Variants in STX12 observed in about 807,000 individuals in gnomAD.
STX12 encodes syntaxin 12.
Under a neutral mutation model 42.2 loss-of-function variants are expected in STX12, and 17 were observed. The observed-to-expected ratio is 0.40, with a 90% CI of 0.28 to 0.60. The LOEUF is 0.60. Among genes scored for constraint, STX12 ranks in the 20% least tolerant of loss-of-function variants. The probability of loss-of-function intolerance (pLI) is 0.39; values close to 1 mark genes in which losing one functional copy is unlikely to be tolerated. For synonymous variants in STX12, 108 were observed against 116.7 expected, an observed-to-expected ratio of 0.93 and a Z score of 0.48; for missense variants, 297 against 330.9, an observed-to-expected ratio of 0.90 and a Z score of 0.79.
intron 5 of STX12, 40 bp downstream of exon 5, chr1:27,810,329 T>C: frequency 6.4e-7 from 1 of 1,554,466 alleles, no homozygotes; most frequent in Non-Finnish European, 8.9e-7. Flanking sequence ...ATAGTTGAGA[T>C]GGGAATCTAT....
At chr1:27,806,046 T>C (rs1313561614) in intron 4 of STX12, among the ~76,000 whole-genome samples, 1 of 152,206 alleles carries the variant, frequency 6.6e-6, no homozygotes, top group East Asian at 1.9e-4. Flanking sequence ...CCCTGAGTTA[T>C]GCAGCTCTTC....
chr1:27,793,738 T>G (rs1571522318), intron 3 of STX12, 106 bp downstream of exon 3: 1 of 783,234 alleles, frequency 1.3e-6, no homozygotes, highest in East Asian at 2.7e-5. Flanking sequence ...GCTAGATAGA[T>G]AGACCTCCTC....
intron 2 of STX12, among the ~76,000 whole-genome samples, chr1:27,790,300 AT>A (rs746922462): frequency 2.5e-4 from 38 of 152,178 alleles, no homozygotes; most frequent in Admixed American, 2.0e-4. Flanking sequence ...CAGCAGCAAG[AT>A]TTACTGTGAA....
chr1:27,801,030 C>T (rs547216193), intron 3 of STX12, among the ~76,000 whole-genome samples: 1 of 152,216 alleles, frequency 6.6e-6, no homozygotes, highest in African/African-American at 2.4e-5. Flanking sequence ...AACTGGAGTC[C>T]AGAGGTATTT....
At chr1:27,819,807 G>C (rs746355894) in intron 8 of STX12, 75 bp downstream of exon 8, 34 of 1,279,426 alleles carry the variant, frequency 2.7e-5, no homozygotes, top group Middle Eastern at 1.8e-4. Flanking sequence ...GACATATTGA[G>C]AACAGCTACA....
chr1:27,816,719 C>T (rs1488975073), intron 6 of STX12, among the ~76,000 whole-genome samples: 1 of 151,266 alleles, frequency 6.6e-6, no homozygotes, highest in East Asian at 2.0e-4. Flanking sequence ...GAGTTCAAGA[C>T]CAGCCTGGCC....
At position 27,773,274 on chromosome 1, in the gene STX12, G is replaced by A; in HGVS notation, c.-34G>A. 1 of 1,426,346 alleles carries A rather than the reference G, an allele frequency of 7.0e-7. No homozygotes were observed. Among genetic ancestry groups the A allele is most frequent in the Non-Finnish European group, 9.7e-7 (1 of 1,028,400 alleles). 88.4% of individuals were successfully genotyped at this position (1,426,346 alleles called of 1,614,324 possible). A position where few individuals can be genotyped will look rare whatever the true frequency, so the allele number is the denominator to read the frequency against. ...GCTGGCGGCTGCTTCCGGTAGGAGA[G>A]CGGTGTAGAGCGAGCAGGTCTCAGC... On this transcript the variant is annotated 5_prime_UTR_variant, in exon 1 of 9. Transcript: ENST00000373943.
At chr1:27,813,052 A>T (rs2088915799) in intron 6 of STX12, among the ~76,000 whole-genome samples, 1 of 152,208 alleles carries the variant, frequency 6.6e-6, no homozygotes. Context: ...TGTACATCTT[A>T]TCCCTTCAGT....
intron 6 of STX12, among the ~76,000 whole-genome samples, chr1:27,817,173 C>G (rs1392054579): frequency 2.0e-5 from 3 of 152,192 alleles, no homozygotes; most frequent in Admixed American, 1.3e-4. Flanking sequence ...TTAAATTCTT[C>G]CACTGCTGTT....
chr1:27,804,510 T>C (rs1023395913), intron 4 of STX12, among the ~76,000 whole-genome samples: 3 of 151,076 alleles, frequency 2.0e-5, no homozygotes, highest in Non-Finnish European at 4.4e-5. Context: ...GTTCTCACTC[T>C]GCTATAAAGA....
chr1:27,810,517 C>T (rs889275699), intron 5 of STX12, among the ~76,000 whole-genome samples: 1 of 152,034 alleles, frequency 6.6e-6, no homozygotes, highest in African/African-American at 2.4e-5. Flanking sequence ...TTCCAAGAAA[C>T]CATTGATGTC....
chr1:27,790,477 C>T (rs1007319600), intron 2 of STX12, among the ~76,000 whole-genome samples: 53 of 152,298 alleles, frequency 3.5e-4, no homozygotes, highest in African/African-American at 1.2e-3. Context: ...TCTAGCTAGC[C>T]ACAGATTGCT....
intron 4 of STX12, among the ~76,000 whole-genome samples, chr1:27,804,893 A>G (rs1356437040): frequency 2.0e-5 from 3 of 152,126 alleles, no homozygotes; most frequent in African/African-American, 7.2e-5. Flanking sequence ...TTATATAGGA[A>G]AGGGGTTTTG....
chr1:27,787,425 G>A (rs544964561), intron 1 of STX12, among the ~76,000 whole-genome samples: 1 of 152,230 alleles, frequency 6.6e-6, no homozygotes, highest in South Asian at 2.1e-4. Context: ...TTGGGAGGCC[G>A]AGGCGGGTGG....
intron 6 of STX12, 106 bp downstream of exon 6, chr1:27,812,374 G>A: frequency 3.7e-6 from 3 of 802,142 alleles, no homozygotes. Flanking sequence ...CATAAAATGT[G>A]TCATTGTGTG....
chr1:27,816,340 G>A (rs1156345494), intron 6 of STX12, among the ~76,000 whole-genome samples: 1 of 151,788 alleles, frequency 6.6e-6, no homozygotes, highest in Non-Finnish European at 1.5e-5. Context: ...CGGGCGTGGT[G>A]GTGCACGACT....
chr1:27,800,378 C>T (rs1256517672), intron 3 of STX12, among the ~76,000 whole-genome samples: 1 of 152,020 alleles, frequency 6.6e-6, no homozygotes, highest in African/African-American at 2.4e-5. Flanking sequence ...TTTATAATAA[C>T]TTTGTTACTT....
intron 5 of STX12, among the ~76,000 whole-genome samples, chr1:27,810,541 G>A (rs1196764150): frequency 6.6e-6 from 1 of 152,154 alleles, no homozygotes; most frequent in Non-Finnish European, 1.5e-5. Flanking sequence ...GTGTTAAGCA[G>A]AGAGCTTGAC....
At chr1:27,777,349 T>A (rs1269770746) in intron 1 of STX12, among the ~76,000 whole-genome samples, 1 of 152,120 alleles carries the variant, frequency 6.6e-6, no homozygotes, top group Non-Finnish European at 1.5e-5. Context: ...AGGACTTTGA[T>A]GTGTTCAAAG....
Sources: allele counts gnomAD v4.1 joint callset (sites outside exome capture counted in the v4.1 genomes callset), GRCh38; gene constraint gnomAD v4.1.1; transcripts MANE v1.5; gene names NCBI Gene and HGNC (gene_info 2026-07-23, HGNC 2026-07-21).